The following WDR90 variants were observed in gnomAD, a reference collection of about 807,000 sequenced individuals.
The protein encoded by WDR90 is WD repeat domain 90, also known as WD repeat-containing protein 90.
In WDR90, 238 loss-of-function variants were observed where a neutral mutation model predicts 195.2. The observed-to-expected ratio is 1.22, with a 90% CI of 1.10 to 1.36. The LOEUF is 1.36. Among genes scored for constraint, WDR90 ranks in the 40% most tolerant of loss-of-function variants. WDR90 has a pLI of 0.00. For missense variants in WDR90, 2,734 were observed against 2,439.5 expected (o/e 1.12, Z -2.54); for synonymous variants, 1,265 against 1,052.4 (o/e 1.20, Z -3.91).
In WDR90 at chr16:661,703, G is replaced by T. The variant is rs774719940; in HGVS notation, c.3780G>T (p.Trp1260Cys). ...EPVHGVAFNPWDAGELTCVGQ... is the reference protein window; with the variant it reads ...EPVHGVAFNPCDAGELTCVGQ... ...TGCATGGTGTGGCCTTCAACCCCTG[G>T]GACGCCGGCGAGCTCACCTGTGTGG... The change falls in exon 31 of 41, where the codon TGG (tryptophan) becomes TGT (cysteine). Residue 1260 changes from tryptophan (W) to cysteine (C), a missense_variant. Trp to Cys is a radical substitution (Grantham distance 215). Transcript: ENST00000293879. The T allele has an allele frequency of 6.2e-7, 1 of 1,612,456 alleles. No homozygotes were observed. The highest frequency in any genetic ancestry group is 1.1e-5 in the South Asian group (1 of 91,072).
chr16:650,157 T>C lies in WDR90; in HGVS notation c.269T>C (p.Val90Ala), dbSNP rs898416168. The C allele has an allele frequency of 3.1e-6, 5 of 1,612,914 alleles. No individual in the cohort carries two copies. The highest frequency in any genetic ancestry group is 4.2e-6 in the Non-Finnish European group (5 of 1,179,868). Residue 90 changes from valine (V) to alanine (A), a missense_variant, in exon 3 of 41, where the codon GTG (valine) becomes GCG (alanine). By Grantham distance (64) the Val-to-Ala change is moderately conservative (BLOSUM62 0). Coordinates refer to ENST00000293879, the MANE Select transcript of WDR90 (RefSeq NM_145294.5). ...AAGCACTTCGTCATCCACCTCGATG[T>C]GTCCTCCAAGGTACGGAGCCCGCGG... ...PSKHFVIHLD[V>A]SSKDNQVIRV...
Position 661,387 on chromosome 16 carries a change from C to T in WDR90, c.3559C>T (p.Gln1187Ter). Residue 1187 changes from glutamine (Q) to a stop codon, truncating the protein, a stop_gained, in exon 30 of 41, where the codon CAG becomes TAG. Transcript: ENST00000293879. LOFTEE classifies it high-confidence loss of function. ...SGRSSTTAHC[Q>*]IRVWDVSGGL... ...CCGAAGCAGCACGACCGCCCATTGT[C>T]AGATCCGCGTCTGGGACGTGTCTGG... 6.2e-7 allele frequency: 1 copy of T among 1,611,268 alleles called. No homozygotes were observed. The highest frequency in any genetic ancestry group is 8.5e-7 in the Non-Finnish European group (1 of 1,179,820).
In WDR90 at chr16:654,035, G is replaced by C. The variant is rs543085171; in HGVS notation, c.1437+232G>C. The C allele has an allele frequency of 2.1e-4, 123 of 592,820 alleles. 2 individuals are homozygous for C. The African/African-American group carries it at 2.2e-3, about 11-fold the overall frequency. The allele number at this position is 592,820 out of a possible 1,614,324, so 36.7% of individuals were successfully genotyped here. A position where few individuals can be genotyped will look rare whatever the true frequency, so the allele number is the denominator to read the frequency against. ...TCTCGGCTTTTCGGCCATCGGAGTC[G>C]GTTTAAGCCAGCGTTTACACACCTC... On this transcript the variant is annotated intron_variant, in intron 13 of 40. Coordinates refer to ENST00000293879, the MANE Select transcript of WDR90 (RefSeq NM_145294.5).
At position 658,954 on chromosome 16, in the gene WDR90, A is replaced by T; in HGVS notation, c.2954A>T (p.Gln985Leu). ...GTGGCCTTCTCTCCTGACCAGCAGC[A>T]GGTCCTCAGCGCAGGGGACGCCGTC... ...QAVAFSPDQQ[Q>L]VLSAGDAVFL... The change falls in exon 24 of 41, where the codon CAG (glutamine) becomes CTG (leucine). Residue 985 changes from glutamine to leucine, a missense_variant. Coordinates refer to ENST00000293879, the MANE Select transcript of WDR90 (RefSeq NM_145294.5). 1 of 1,612,914 alleles carries T rather than the reference A, an allele frequency of 6.2e-7. No individual in the cohort carries two copies. The highest frequency in any genetic ancestry group is 2.2e-5 in the East Asian group (1 of 44,882).
chr16:654,806 A>C, intron 13 of WDR90: 1 of 568,310 alleles, frequency 1.8e-6, no homozygotes, highest in Non-Finnish European at 3.1e-6. Flanking sequence ...TTCTCTGCGA[A>C]TGGGTTGCAG....
intron 28 of WDR90, 74 bp downstream of exon 28, chr16:660,788 GCC>G: frequency 6.9e-7 from 1 of 1,453,058 alleles, no homozygotes. Flanking sequence ...CCACCCCAAG[GCC>G]AGGACCTGGT....
In WDR90 at chr16:650,171, C is replaced by T. The variant is rs768852533; in HGVS notation, c.279+4C>T. 4.3e-6 allele frequency: 7 copies of T among 1,611,686 alleles called. No individual in the cohort carries two copies. The highest frequency in any genetic ancestry group is 2.2e-5 in the East Asian group (1 of 44,842). On this transcript the variant is annotated splice_donor_region_variant and intron_variant, in intron 3 of 40. Transcript: ENST00000293879. The stretch of plus-strand genomic sequence containing the variant: ...CCACCTCGATGTGTCCTCCAAGGTA[C>T]GGAGCCCGCGGCTGGGGGCTGCGTG...
intron 7 of WDR90, 93 bp from the exon 8 acceptor site, chr16:651,551 G>A: frequency 1.6e-6 from 2 of 1,277,340 alleles, no homozygotes; most frequent in South Asian, 1.3e-5. Context: ...CGGTGAGGCT[G>A]GGCCACTTGC....
chr16:658,645 G>C lies in WDR90; in HGVS notation c.2887G>C (p.Gly963Arg). 1.2e-6 allele frequency: 2 copies of C among 1,610,632 alleles called. No homozygotes were observed. The highest frequency in any genetic ancestry group is 1.7e-6 in the Non-Finnish European group (2 of 1,178,422). Residue 963 changes from glycine to arginine, a missense_variant, in exon 23 of 41, where the codon GGC (glycine) becomes CGC (arginine). Gly to Arg is a moderately radical substitution (Grantham distance 125). Coordinates refer to ENST00000293879, the MANE Select transcript of WDR90 (RefSeq NM_145294.5). ...VWDYATQASP[G>R]PQVYIGHSEP... ...GGACTACGCCACACAGGCCAGCCCA[G>C]GCCCCCAGGTGTGTGCGTGGGGAGG...
Position 657,384 on chromosome 16 carries a change from CTG to C in WDR90, c.2473+166_2473+167del, listed in dbSNP as rs1237887694. ...TAACCTTGTCAAGGCCCTGAGGAGA[CTG>C]TGGTTTAGCGTTCACTGGACCCCAA... On this transcript the variant is annotated intron_variant, in intron 20 of 40. Coordinates refer to ENST00000293879, the MANE Select transcript of WDR90 (RefSeq NM_145294.5). 2.4e-5 allele frequency: 28 copies of C among 1,182,372 alleles called. 1 individual carries two copies. The highest frequency in any genetic ancestry group is 3.1e-5 in the Non-Finnish European group (27 of 870,974). The allele number at this position is 1,182,372 out of a possible 1,614,324, so 73.2% of individuals were successfully genotyped here.
At chr16:657,340 G>T (rs905151210) in intron 20 of WDR90, 119 bp downstream of exon 20, 2 of 1,404,134 alleles carry the variant, frequency 1.4e-6, no homozygotes, top group South Asian at 1.5e-5. Context: ...GGTCCTGTGG[G>T]GGGGCGTGGC....
At chr16:653,240 C>A in intron 10 of WDR90, 101 bp from the exon 11 acceptor site, 1 of 990,888 alleles carries the variant, frequency 1.0e-6, no homozygotes. Flanking sequence ...GGCCTGCCAC[C>A]CCCTCTCCCT....
At position 650,107 on chromosome 16, in the gene WDR90, T is replaced by C. The variant is rs2037611886; in HGVS notation, c.219T>C (p.Tyr73=). The C allele has an allele frequency of 1.9e-6, 3 of 1,612,988 alleles. No homozygotes were observed. The highest frequency in any genetic ancestry group is 2.7e-5 in the African/African-American group (2 of 74,950). The change falls in exon 3 of 41, where the codon TAT becomes TAC. Residue 73 remains tyrosine (Y), a synonymous_variant. Transcript: ENST00000293879. ...QSLGLTGRYL[Y]VLFRPLPSKH... ...TGGGGCTGACGGGACGATACCTGTA[T>C]GTGCTCTTTCGGCCCCTGCCCAGCA...
intron 10 of WDR90, 128 bp from the exon 11 acceptor site, chr16:653,213 C>T: frequency 1.4e-6 from 1 of 709,864 alleles, no homozygotes; most frequent in Non-Finnish European, 2.3e-6. Flanking sequence ...TGGCTGTGTG[C>T]CCAGGTGTGT....
At chr16:665,880 T>A in intron 35 of WDR90, 70 bp from the exon 36 acceptor site, 1 of 1,553,424 alleles carries the variant, frequency 6.4e-7, no homozygotes, top group East Asian at 2.3e-5. Flanking sequence ...GGCCGCCTCC[T>A]CCCTCTGGCC....
At chr16:659,990 G>A (rs2037859746) in intron 26 of WDR90, 68 bp from the exon 27 acceptor site, 8 of 1,187,484 alleles carry the variant, frequency 6.7e-6, no homozygotes, top group Non-Finnish European at 8.3e-6. Flanking sequence ...GGGAGACTGC[G>A]TGTAGTGTGG....
chr16:650,553 G>A lies in WDR90; in HGVS notation c.403G>A (p.Ala135Thr). 1.2e-6 allele frequency: 2 copies of A among 1,609,516 alleles called. No homozygotes were observed. Among genetic ancestry groups the A allele is most frequent in the African/African-American group, 1.3e-5 (1 of 74,920 alleles). Residue 135 changes from alanine (A) to threonine (T), a missense_variant, in exon 5 of 41, where the codon GCC (alanine) becomes ACC (threonine). By Grantham distance (58) the Ala-to-Thr change is moderately conservative. Transcript: ENST00000293879. ...RTPQRDLVGL[A>T]PSGARWTCLQ... ...CCATCCTGCAGATCTGGTGGGTTTG[G>A]CCCCCTCCGGAGCCCGCTGGACCTG...
rs1189368002 is a variant in WDR90 at position 659,272 on chromosome 16, CAGCGTCCAGGGCCAGCG to C, written c.3084_3100del (p.Ser1029ProfsTer172). 7 of 1,609,996 alleles carry C rather than the reference CAGCGTCCAGGGCCAGCG, an allele frequency of 4.3e-6. No individual in the cohort carries two copies. Among genetic ancestry groups the C allele is most frequent in the Non-Finnish European group, 4.2e-6 (5 of 1,178,914 alleles). Reference sequence around the variant, plus strand: ...CCGGGCGCAGGACCGCTGGAGGACGCAGCGTCCAGGGCCAGCGAGCTCCCCCGGCAGCAGGTCCCCAA... The same window carrying C: ...CCGGGCGCAGGACCGCTGGAGGACGCAGCTCCCCCGGCAGCAGGTCCCCAA... On this transcript the variant is annotated frameshift_variant, in exon 26 of 41. Coordinates refer to ENST00000293879, the MANE Select transcript of WDR90 (RefSeq NM_145294.5). LOFTEE classifies it high-confidence loss of function.
At chr16:652,674 G>A (rs1336796580) in intron 10 of WDR90, 139 bp downstream of exon 10, 17 of 920,130 alleles carry the variant, frequency 1.8e-5, no homozygotes, top group African/African-American at 1.0e-4. Flanking sequence ...CAGCGGTCCC[G>A]TCCCCCTGCA....
Sources: gnomAD v4.1 joint callset for allele counts on GRCh38, gnomAD v4.1.1 for gene constraint, MANE v1.5 for transcripts, NCBI Gene and HGNC (gene_info 2026-07-23, HGNC 2026-07-21) for gene names.